Variants in FOXJ3 observed in about 807,000 individuals in gnomAD.
The protein encoded by FOXJ3 is forkhead box J3.
FOXJ3 carries 22 observed loss-of-function variants against 76.1 expected under a neutral mutation model. The observed-to-expected ratio is 0.29, with a 90% confidence interval of 0.21 to 0.41. The LOEUF (loss-of-function observed/expected upper bound fraction) is 0.41. Among genes scored for constraint, FOXJ3 ranks in the 10% least tolerant of loss-of-function variants. FOXJ3 has a pLI of 1.00. For missense variants in FOXJ3, 613 were observed against 762.1 expected, an observed-to-expected ratio of 0.80 and a Z score of 2.30; for synonymous variants, 269 against 261.2, an observed-to-expected ratio of 1.03 and a Z score of -0.29.
At chr1:42,188,187 T>C (rs1447212327) in intron 11 of FOXJ3, among the ~76,000 whole-genome samples, 3 of 152,114 alleles carry the variant, frequency 2.0e-5, no homozygotes, top group African/African-American at 7.2e-5. Context: ...CAGAAAAATG[T>C]GCAATCAGAG....
intron 3 of FOXJ3, among the ~76,000 whole-genome samples, chr1:42,277,349 C>A (rs1239710380): frequency 2.5e-5 from 3 of 121,358 alleles, no homozygotes; most frequent in Non-Finnish European, 5.3e-5. Context: ...CAGAGCAAGA[C>A]CTTGTCTCTA....
chr1:42,260,193 T>C (rs1650926962), intron 4 of FOXJ3, among the ~76,000 whole-genome samples: 1 of 152,216 alleles, frequency 6.6e-6, no homozygotes, highest in Non-Finnish European at 1.5e-5. Flanking sequence ...CATCATTTAA[T>C]GTTATATTTT....
intron 2 of FOXJ3, among the ~76,000 whole-genome samples, chr1:42,306,516 C>T (rs1372840068): frequency 6.6e-6 from 1 of 151,954 alleles, no homozygotes; most frequent in Non-Finnish European, 1.5e-5. Flanking sequence ...ATTGGCCAGG[C>T]TGGTCTCGAA....
intron 3 of FOXJ3, among the ~76,000 whole-genome samples, chr1:42,266,567 G>A (rs547114523): frequency 5.3e-5 from 8 of 152,162 alleles, no homozygotes; most frequent in South Asian, 2.1e-4. Flanking sequence ...AAGGCCAAGC[G>A]TGGGGCTGTC....
chr1:42,317,538 TGAG>T (rs1047861874), intron 1 of FOXJ3, among the ~76,000 whole-genome samples: 41 of 141,964 alleles, frequency 2.9e-4, no homozygotes, highest in African/African-American at 1.0e-3. Flanking sequence ...AAAAAAAACT[TGAG>T]GAAGTTGGAC....
chr1:42,314,217 A>C (rs559655503), intron 1 of FOXJ3, among the ~76,000 whole-genome samples: 1 of 152,240 alleles, frequency 6.6e-6, no homozygotes, highest in Admixed American at 6.5e-5. Flanking sequence ...CATAGAGCTA[A>C]CTTAACAAAA....
intron 5 of FOXJ3, among the ~76,000 whole-genome samples, chr1:42,225,009 T>C (rs1451982586): frequency 6.7e-6 from 1 of 149,018 alleles, no homozygotes; most frequent in East Asian, 2.0e-4. Context: ...GCCCGGGAGG[T>C]AGAGGCTGCA....
intron 1 of FOXJ3, among the ~76,000 whole-genome samples, chr1:42,324,209 CTATA>C (rs1302161342): frequency 1.1e-4 from 12 of 106,410 alleles, no homozygotes; most frequent in South Asian, 2.9e-4. Flanking sequence ...TATATATATA[CTATA>C]TATATAAATT....
chr1:42,216,236 T>C (rs1647061784), intron 5 of FOXJ3, among the ~76,000 whole-genome samples: 1 of 151,820 alleles, frequency 6.6e-6, no homozygotes, highest in Non-Finnish European at 1.5e-5. Context: ...AAGACTACTG[T>C]TGCCGGGCGC....
intron 2 of FOXJ3, among the ~76,000 whole-genome samples, chr1:42,279,964 G>C (rs1652575525): frequency 6.6e-6 from 1 of 152,018 alleles, no homozygotes; most frequent in Non-Finnish European, 1.5e-5. Flanking sequence ...CGGCAACAGA[G>C]AATAATAAAG....
chr1:42,327,578 G>C (rs574437928), intron 1 of FOXJ3, among the ~76,000 whole-genome samples: 2 of 152,200 alleles, frequency 1.3e-5, no homozygotes, highest in Non-Finnish European at 2.9e-5. Flanking sequence ...GCAACAGTTA[G>C]TAAGTTCTAG....
In FOXJ3 at chr1:42,191,467, C is replaced by G. The variant is rs149676672; in HGVS notation, c.1187G>C (p.Arg396Pro). The change falls in exon 9 of 13, where the codon CGT becomes CCT. Residue 396 changes from arginine to proline, a missense_variant. Transcript: ENST00000361346. ...TGGGTGTGGTGCTGGGTGTGGGGAA[C>G]GCTGCGGATGCTGCGGTAAACCATG... ...RPHGLPQHPQ[R>P]SPHPAPHPQQ... is the part of the protein sequence containing the mutation. The G allele has an allele frequency of 6.2e-7, 1 of 1,613,050 alleles. No individual in the cohort carries two copies. The highest frequency in any genetic ancestry group is 1.3e-5 in the African/African-American group (1 of 74,806).
chr1:42,246,214 G>A (rs1649538636), intron 4 of FOXJ3, among the ~76,000 whole-genome samples: 1 of 152,162 alleles, frequency 6.6e-6, no homozygotes, highest in African/African-American at 2.4e-5. Context: ...TCAACGGAGT[G>A]AGGAGACAAT....
chr1:42,224,460 C>A (rs955989886), intron 5 of FOXJ3, among the ~76,000 whole-genome samples: 2 of 152,004 alleles, frequency 1.3e-5, no homozygotes, highest in Admixed American at 6.6e-5. Context: ...TGGAGCCAGC[C>A]TGGCCAACAT....
chr1:42,270,093 T>C (rs994212912), intron 3 of FOXJ3, among the ~76,000 whole-genome samples: 2 of 152,186 alleles, frequency 1.3e-5, no homozygotes, highest in Non-Finnish European at 2.9e-5. Context: ...TCCCCTCCAA[T>C]GTTCTCTCTC....
chr1:42,191,609 G>C lies in FOXJ3; in HGVS notation c.1045C>G (p.Leu349Val), dbSNP rs1263639838. The change falls in exon 9 of 13, where the codon CTG becomes GTG. Residue 349 changes from leucine (L) to valine (V), a missense_variant. Coordinates refer to ENST00000361346, the MANE Select transcript of FOXJ3 (RefSeq NM_014947.5). ...AGGCCACTGCCATGACTGTTGGACA[G>C]GCTGCTTTGGTTGCTGTGTGGGTGA... The part of the protein sequence containing the change: ...STHPHSNQSS[L>V]SNSHGSGLNT... 1 of 1,614,082 alleles carries C rather than the reference G, an allele frequency of 6.2e-7. No individual in the cohort carries two copies. The highest frequency in any genetic ancestry group is 1.3e-5 in the African/African-American group (1 of 74,922).
In FOXJ3 at chr1:42,278,473, T is replaced by C. The variant is rs1652456266; in HGVS notation, c.244A>G (p.Ser82Gly). ...QQHKDGKPPY[S>G]YASLITFAIN... ...GCAAATGTAATGAGGCTGGCATAAC[T>C]GTATGGAGGTTTCCCATCTTTGTGC... The change falls in exon 3 of 13, where the codon AGT becomes GGT. Residue 82 changes from serine to glycine, a missense_variant. Transcript: ENST00000361346. 2 of 1,614,074 alleles carry C rather than the reference T, an allele frequency of 1.2e-6. No individual in the cohort carries two copies. Among genetic ancestry groups the C allele is most frequent in the Non-Finnish European group, 1.7e-6 (2 of 1,180,016 alleles).
intron 4 of FOXJ3, among the ~76,000 whole-genome samples, chr1:42,251,129 T>C (rs1190202620): frequency 6.6e-6 from 1 of 152,054 alleles, no homozygotes; most frequent in Non-Finnish European, 1.5e-5. Flanking sequence ...CATCAAAGCA[T>C]ATCACAGTCA....
chr1:42,323,730 T>C (rs1228708378), intron 1 of FOXJ3: 1 of 970,204 alleles, frequency 1.0e-6, no homozygotes, highest in African/African-American at 1.8e-5. Flanking sequence ...CATGCACAGG[T>C]ACTCAAGAGA....
Sources: gnomAD v4.1 joint callset for allele counts (sites outside exome capture counted in the v4.1 genomes callset) on GRCh38, gnomAD v4.1.1 for gene constraint, MANE v1.5 for transcripts, NCBI Gene and HGNC (gene_info 2026-07-23, HGNC 2026-07-21) for gene names.